DTNA: variants seen among roughly 807,000 people sequenced by gnomAD.
DTNA encodes the protein dystrobrevin alpha.
DTNA carries 43 observed loss-of-function variants against 100.7 expected under a neutral mutation model. The observed-to-expected ratio is 0.43, with a 90% confidence interval of 0.33 to 0.55. The LOEUF (loss-of-function observed/expected upper bound fraction) is 0.55. Among genes scored for constraint, DTNA ranks in the 20% least tolerant of loss-of-function variants. The pLI is 0.04. For synonymous variants in DTNA, 349 were observed against 347.9 expected (o/e 1.00, Z -0.04); for missense variants, 798 against 953.9 (o/e 0.84, Z 2.15).
intron 1 of DTNA, among the ~76,000 whole-genome samples, chr18:34,555,029 A>G (rs1283691436): frequency 7.1e-5 from 9 of 126,422 alleles, no homozygotes; most frequent in Admixed American, 3.1e-4. Context: ...TTGGTAAACT[A>G]TTGATTATTG....
intron 1 of DTNA, among the ~76,000 whole-genome samples, chr18:34,622,107 T>C (rs1006489527): frequency 2.6e-5 from 4 of 152,182 alleles, no homozygotes; most frequent in African/African-American, 9.7e-5. Flanking sequence ...TAATAATGTA[T>C]ACTTGAAAAT....
At chr18:34,785,071 C>T (rs879624140) in intron 3 of DTNA, among the ~76,000 whole-genome samples, 21 of 152,002 alleles carry the variant, frequency 1.4e-4, no homozygotes, top group Admixed American at 5.2e-4. Context: ...CCCACCACCA[C>T]GCCCAGCTAA....
At chr18:34,641,378 A>G (rs1211308328) in intron 1 of DTNA, among the ~76,000 whole-genome samples, 2 of 152,352 alleles carry the variant, frequency 1.3e-5, no homozygotes, top group East Asian at 1.9e-4. Flanking sequence ...CTGGCCACTG[A>G]TCACAGCAGC....
intron 1 of DTNA, among the ~76,000 whole-genome samples, chr18:34,563,209 T>A (rs1297616016): frequency 6.6e-6 from 1 of 152,264 alleles, no homozygotes; most frequent in East Asian, 1.9e-4. Flanking sequence ...GGTTCCCTAC[T>A]GGGAAGGTCA....
At chr18:34,514,011 G>C (rs1220535329) in intron 1 of DTNA, 1 of 152,138 alleles carries the variant, frequency 6.6e-6, no homozygotes, top group East Asian at 1.9e-4. Context: ...TGGGAGAATG[G>C]ACCAGAAAAA....
chr18:34,837,914 G>A (rs1224578052), intron 11 of DTNA, among the ~76,000 whole-genome samples, 180 bp from the exon 12 acceptor site: 2 of 152,172 alleles, frequency 1.3e-5, no homozygotes, highest in Non-Finnish European at 2.9e-5. Flanking sequence ...TTCTCAGGCT[G>A]GGTTTCTATT....
chr18:34,502,145 A>G (rs2039993500), intron 1 of DTNA, among the ~76,000 whole-genome samples: 1 of 152,084 alleles, frequency 6.6e-6, no homozygotes, highest in African/African-American at 2.4e-5. Context: ...TAAGTTGTCA[A>G]ATTTATTTGT....
intron 13 of DTNA, among the ~76,000 whole-genome samples, chr18:34,846,628 G>C (rs1453055401): frequency 6.6e-6 from 1 of 151,904 alleles, no homozygotes; most frequent in African/African-American, 2.4e-5. Flanking sequence ...GGCTAGAGCA[G>C]AGATAATGTA....
At chr18:34,584,251 A>G (rs1450155753) in intron 1 of DTNA, among the ~76,000 whole-genome samples, 1 of 149,192 alleles carries the variant, frequency 6.7e-6, no homozygotes, top group Non-Finnish European at 1.5e-5. Context: ...GCTTGAGCAG[A>G]CAGCTAAAGA....
chr18:34,731,371 C>T (rs918956534), intron 1 of DTNA, among the ~76,000 whole-genome samples: 4 of 151,434 alleles, frequency 2.6e-5, no homozygotes, highest in East Asian at 2.0e-4. Flanking sequence ...CCCAGCTACT[C>T]GGGAGGCTGA....
intron 4 of DTNA, 31 bp from the exon 5 acceptor site, chr18:34,806,176 GTTTTGTTTTTGT>G: frequency 1.9e-6 from 3 of 1,552,414 alleles, no homozygotes; most frequent in Non-Finnish European, 2.7e-6. Flanking sequence ...TCATGGTTTT[GTTTTGTTTTTGT>G]TTTTGTTTTT....
chr18:34,734,502 C>T (rs2035332618), intron 1 of DTNA, among the ~76,000 whole-genome samples: 1 of 152,164 alleles, frequency 6.6e-6, no homozygotes, highest in African/African-American at 2.4e-5. Context: ...ATGCATCTTT[C>T]ATTGCAGGTC....
At position 34,787,619 on chromosome 18, in the gene DTNA, G is replaced by C. The variant is rs552248673; in HGVS notation, c.149-6418G>C. ...TCATTTTAGCACTTTTCCTACGGATGCTTGGATTTAAGTCATCTCTGTGAA... is the reference window on the plus strand; with the variant it reads ...TCATTTTAGCACTTTTCCTACGGATCCTTGGATTTAAGTCATCTCTGTGAA... On this transcript the variant is annotated intron_variant, in intron 3 of 22. Transcript: ENST00000444659. 2.1e-3 allele frequency among the ~76,000 whole-genome samples: 327 copies of C among 152,220 alleles called. 1 individual carries two copies. The highest frequency in any genetic ancestry group is 7.2e-3 in the African/African-American group (297 of 41,524).
At chr18:34,694,716 T>A (rs896116889) in intron 1 of DTNA, among the ~76,000 whole-genome samples, 3 of 152,188 alleles carry the variant, frequency 2.0e-5, no homozygotes, top group Non-Finnish European at 4.4e-5. Flanking sequence ...TTATATCATG[T>A]CTCCCTAATG....
chr18:34,605,254 A>T (rs1303210414), intron 1 of DTNA, among the ~76,000 whole-genome samples: 2 of 152,156 alleles, frequency 1.3e-5, no homozygotes, highest in Non-Finnish European at 2.9e-5. Context: ...GTTTAGAACT[A>T]TAATAATTAA....
chr18:34,877,001 G>A (rs181932052), intron 18 of DTNA, among the ~76,000 whole-genome samples: 38 of 152,216 alleles, frequency 2.5e-4, no homozygotes, highest in Non-Finnish European at 4.3e-4. Flanking sequence ...ATGACGGAAT[G>A]AAATTCCATT....
At chr18:34,806,951 GA>G (rs1273362913) in intron 5 of DTNA, among the ~76,000 whole-genome samples, 11 of 152,258 alleles carry the variant, frequency 7.2e-5, no homozygotes, top group African/African-American at 2.6e-4. Context: ...TTTAGGTAAA[GA>G]AACTGAGACT....
chr18:34,805,271 A>G (rs1363172083), intron 4 of DTNA, among the ~76,000 whole-genome samples: 1 of 152,220 alleles, frequency 6.6e-6, no homozygotes, highest in African/African-American at 2.4e-5. Context: ...TCCTGAATCA[A>G]TGAGGATTTG....
chr18:34,882,187 G>A lies in DTNA; in HGVS notation c.2281G>A (p.Asp761Asn). ...GGAATACCTGAAACAGAAGCTGCAAGATGAAGCTTATCAGGTACAGGGATC... is the reference window on the plus strand; with the variant it reads ...GGAATACCTGAAACAGAAGCTGCAAAATGAAGCTTATCAGGTACAGGGATC... ...MEEYLKQKLQ[D>N]EAYQVSLQG The change falls in exon 21 of 23, where the codon GAT becomes AAT. Residue 761 changes from aspartate to asparagine, a missense_variant. Asp to Asn is a conservative substitution (Grantham distance 23). Coordinates refer to ENST00000444659, the MANE Select transcript of DTNA (RefSeq NM_001386795.1). 1 of 1,613,922 alleles carries A rather than the reference G, an allele frequency of 6.2e-7. No individual in the cohort carries two copies. The highest frequency in any genetic ancestry group is 8.5e-7 in the Non-Finnish European group (1 of 1,179,958).
Sources: gnomAD v4.1 joint callset for allele counts (sites outside exome capture counted in the v4.1 genomes callset) on GRCh38, gnomAD v4.1.1 for gene constraint, MANE v1.5 for transcripts, NCBI Gene and HGNC (gene_info 2026-07-23, HGNC 2026-07-21) for gene names.